The following SLC24A3 variants were observed in gnomAD, a reference collection of about 807,000 sequenced individuals.
SLC24A3 encodes the protein solute carrier family 24 member 3, also known as sodium/potassium/calcium exchanger 3.
In SLC24A3, 28 loss-of-function variants were observed where a neutral mutation model predicts 75.8. The ratio of observed to expected loss-of-function variants is 0.37; its 90% CI spans 0.27 to 0.51. The LOEUF (loss-of-function observed/expected upper bound fraction) is 0.51. Among genes scored for constraint, SLC24A3 ranks in the 20% least tolerant of loss-of-function variants. SLC24A3 has a pLI of 0.94. For synonymous variants in SLC24A3, 372 were observed against 334.1 expected (o/e 1.11, Z -1.24); for missense variants, 663 against 847.8 (o/e 0.78, Z 2.71).
intron 6 of SLC24A3, among the ~76,000 whole-genome samples, chr20:19,633,161 C>T (rs1260763128): frequency 1.3e-5 from 2 of 152,142 alleles, no homozygotes; most frequent in African/African-American, 4.8e-5. Flanking sequence ...TAATAAAATA[C>T]CACAAACTGG....
At chr20:19,334,464 G>T (rs1308883074) in intron 2 of SLC24A3, among the ~76,000 whole-genome samples, 1 of 152,038 alleles carries the variant, frequency 6.6e-6, no homozygotes, top group African/African-American at 2.4e-5. Flanking sequence ...TAAGGCAACA[G>T]ACTTAATTTT....
intron 2 of SLC24A3, among the ~76,000 whole-genome samples, chr20:19,337,341 G>T (rs1269205885): frequency 6.6e-6 from 1 of 152,152 alleles, no homozygotes; most frequent in Non-Finnish European, 1.5e-5. Context: ...CTACTCAGGA[G>T]GCTGAGACAG....
rs34789411 is a variant in SLC24A3, at chr20:19,575,254, CAAAAAAAAAAAAA to C, written c.349-4735_349-4723del. ...CCTGGGTGACAGAGTGAGACACTCT[CAAAAAAAAAAAAA>C]AAAAAAAAAAGGCAACACCAGCTAC... On this transcript the variant is annotated intron_variant, in intron 3 of 16. Coordinates refer to ENST00000328041, the MANE Select transcript of SLC24A3 (RefSeq NM_020689.4). Among the ~76,000 whole-genome samples, 6 of 72,642 alleles carry C rather than the reference CAAAAAAAAAAAAA, an allele frequency of 8.3e-5. No homozygotes were observed. In the South Asian group the frequency reaches 2.1e-3, roughly 25 times the overall value. 47.7% of individuals were successfully genotyped at this position (72,642 alleles called of 152,430 possible). A position where few individuals can be genotyped will look rare whatever the true frequency, so the allele number is the denominator to read the frequency against.
intron 16 of SLC24A3, among the ~76,000 whole-genome samples, chr20:19,719,435 G>A (rs1184254890): frequency 1.3e-5 from 2 of 152,098 alleles, no homozygotes; most frequent in African/African-American, 4.8e-5. Context: ...CTTAAGAAGG[G>A]TGGGAGATGG....
At chr20:19,374,550 C>T (rs1216725453) in intron 2 of SLC24A3, among the ~76,000 whole-genome samples, 1 of 152,210 alleles carries the variant, frequency 6.6e-6, no homozygotes, top group Admixed American at 6.5e-5. Flanking sequence ...TCCCACCCTT[C>T]CCTGTGAGTT....
At position 19,454,640 on chromosome 20, in the gene SLC24A3, A is replaced by G. The variant is rs151239118; in HGVS notation, c.272-60848A>G. ...AGTTAAGCCATAAAGAACTTCACTG[A>G]AGACATAAAAGGTGTAATTATCACA... On this transcript the variant is annotated intron_variant, in intron 2 of 16. Coordinates refer to ENST00000328041, the MANE Select transcript of SLC24A3 (RefSeq NM_020689.4). Among the ~76,000 whole-genome samples, 69 of 152,340 alleles carry G rather than the reference A, an allele frequency of 4.5e-4. No individual in the cohort carries two copies. In the East Asian group the frequency reaches 0.013, roughly 29 times the overall value.
At chr20:19,602,964 G>A (rs998623361) in intron 6 of SLC24A3, among the ~76,000 whole-genome samples, 1 of 152,198 alleles carries the variant, frequency 6.6e-6, no homozygotes, top group Non-Finnish European at 1.5e-5. Flanking sequence ...GAGCAAGATT[G>A]CTTAGGAAGA....
intron 1 of SLC24A3, among the ~76,000 whole-genome samples, chr20:19,254,086 A>G (rs1982739748): frequency 6.6e-6 from 1 of 152,198 alleles, no homozygotes; most frequent in Non-Finnish European, 1.5e-5. Context: ...CTGGCTCTTT[A>G]TATGAAATTG....
At chr20:19,565,671 G>C (rs1315249692) in intron 3 of SLC24A3, among the ~76,000 whole-genome samples, 1 of 152,036 alleles carries the variant, frequency 6.6e-6, no homozygotes, top group East Asian at 1.9e-4. Flanking sequence ...CTTTTTCCTT[G>C]TATTGATTCC....
At chr20:19,667,880 C>T (rs904385107) in intron 8 of SLC24A3, among the ~76,000 whole-genome samples, 52 of 152,192 alleles carry the variant, frequency 3.4e-4, no homozygotes, top group Non-Finnish European at 7.1e-4. Context: ...CCCGAGGCTG[C>T]AGCAGAAGGG....
chr20:19,678,863 C>A (rs1175525357), intron 9 of SLC24A3, among the ~76,000 whole-genome samples: 2 of 150,260 alleles, frequency 1.3e-5, no homozygotes, highest in African/African-American at 4.9e-5. Flanking sequence ...ACCTCCCAGA[C>A]GGGGTCGCGG....
At chr20:19,595,634 C>G (rs6046205) in intron 6 of SLC24A3, among the ~76,000 whole-genome samples, 72,452 of 152,028 alleles carry the variant, frequency 0.48, 18,392 homozygotes, top group African/African-American at 0.65. Flanking sequence ...TGCTTTTTAG[C>G]GGCAGGCACA....
At chr20:19,698,763 C>T (rs2032840098) in intron 15 of SLC24A3, 83 bp downstream of exon 15, 8 of 1,084,804 alleles carry the variant, frequency 7.4e-6, no homozygotes, top group Non-Finnish European at 9.5e-6. Flanking sequence ...GGGTCTTTGT[C>T]TCGGGGAAAA....
intron 6 of SLC24A3, among the ~76,000 whole-genome samples, chr20:19,644,013 G>C (rs570464093): frequency 5.9e-5 from 9 of 152,282 alleles, no homozygotes; most frequent in Admixed American, 4.6e-4. Flanking sequence ...GGGGGGAGCA[G>C]GAATTTTCTA....
At chr20:19,380,312 AG>A (rs1986158609) in intron 2 of SLC24A3, among the ~76,000 whole-genome samples, 2 of 151,730 alleles carry the variant, frequency 1.3e-5, no homozygotes, top group Admixed American at 6.6e-5. Context: ...GAATCAGAAA[AG>A]GAGAGTGCGG....
At chr20:19,680,170 C>G (rs139048869) in intron 9 of SLC24A3, among the ~76,000 whole-genome samples, 7 of 131,950 alleles carry the variant, frequency 5.3e-5, no homozygotes, top group African/African-American at 1.7e-4. Context: ...GTCTGTGTGT[C>G]TCTGTGTGTC....
At chr20:19,683,947 G>C (rs1354826313) in intron 10 of SLC24A3, among the ~76,000 whole-genome samples, 1 of 152,118 alleles carries the variant, frequency 6.6e-6, no homozygotes, top group Non-Finnish European at 1.5e-5. Flanking sequence ...AAGAGTGGAT[G>C]GATGGATGGA....
intron 7 of SLC24A3, among the ~76,000 whole-genome samples, chr20:19,660,369 A>G (rs903831812): frequency 6.6e-6 from 1 of 151,362 alleles, no homozygotes; most frequent in Non-Finnish European, 1.5e-5. Context: ...GCTCCCACTT[A>G]TAAGTGAGAA....
At chr20:19,470,683 A>G (rs990383755) in intron 2 of SLC24A3, among the ~76,000 whole-genome samples, 38 of 151,958 alleles carry the variant, frequency 2.5e-4, no homozygotes, top group Non-Finnish European at 1.6e-4. Context: ...TTAGACGCAG[A>G]AGAAGACTTT....
Sources: allele counts gnomAD v4.1 joint callset (sites outside exome capture counted in the v4.1 genomes callset), GRCh38; gene constraint gnomAD v4.1.1; transcripts MANE v1.5; gene names NCBI Gene and HGNC (gene_info 2026-07-23, HGNC 2026-07-21).